The following SYT2 variants were observed in gnomAD, a reference collection of about 807,000 sequenced individuals.
SYT2 encodes synaptotagmin-2.
In SYT2, 15 loss-of-function variants were observed where a neutral mutation model predicts 39.9. The ratio of observed to expected loss-of-function variants is 0.38; its 90% CI spans 0.25 to 0.58. The LOEUF is 0.58. Among genes scored for constraint, SYT2 ranks in the 20% least tolerant of loss-of-function variants. SYT2 has a pLI of 0.70. For missense variants in SYT2, 389 were observed against 530.3 expected (o/e 0.73, Z 2.62); for synonymous variants, 181 against 204.5 (o/e 0.89, Z 0.98).
chr1:202,620,821 C>A (rs2149082901), intron 1 of SYT2, among the ~76,000 whole-genome samples: 1 of 152,266 alleles, frequency 6.6e-6, no homozygotes, highest in South Asian at 2.1e-4. Context: ...CTCACACTCA[C>A]ACTCTCAGTA....
At chr1:202,632,153 C>T in intron 1 of SYT2, 1 of 879,190 alleles carries the variant, frequency 1.1e-6, no homozygotes, top group Non-Finnish European at 1.4e-6. Flanking sequence ...AGTGTTGCCA[C>T]CACTAGATAA....
chr1:202,670,545 G>A (rs1289423402), intron 1 of SYT2, among the ~76,000 whole-genome samples: 1 of 152,172 alleles, frequency 6.6e-6, no homozygotes, highest in Non-Finnish European at 1.5e-5. Context: ...GGAGGGGGAA[G>A]AGGAGCACAA....
chr1:202,625,120 GTGTGTC>G (rs1691350567), intron 1 of SYT2, among the ~76,000 whole-genome samples: 1 of 828 alleles, frequency 1.2e-3, no homozygotes, highest in African/African-American at 2.5e-3. Flanking sequence ...TGTGTGGTAT[GTGTGTC>G]GTGTGTGTGG....
At chr1:202,701,585 G>A (rs1011186208) in intron 1 of SYT2, among the ~76,000 whole-genome samples, 3 of 152,220 alleles carry the variant, frequency 2.0e-5, no homozygotes, top group Non-Finnish European at 4.4e-5. Flanking sequence ...CTTAGCGGGT[G>A]TGTAGTGTGG....
At position 202,601,385 on chromosome 1, in the gene SYT2, A is replaced by T. The variant is rs1690498950; in HGVS notation, c.801+505T>A. On this transcript the variant is annotated intron_variant, in intron 6 of 8. Coordinates refer to ENST00000367268, the MANE Select transcript of SYT2 (RefSeq NM_177402.5). This position sits in a 1 kb window ranked among gnomAD's most constrained non-coding sequence, Gnocchi z 4.0. Reference sequence around the variant, plus strand: ...GGGCCCTGGCCAAGACAAATGATTGATGCCCAGAAGGAAGAATGGCTAAAA... The same window carrying T: ...GGGCCCTGGCCAAGACAAATGATTGTTGCCCAGAAGGAAGAATGGCTAAAA... 6.6e-6 allele frequency among the ~76,000 whole-genome samples: 1 copy of T among 152,234 alleles called. No homozygotes were observed.
At chr1:202,696,090 A>G (rs1558464956) in intron 1 of SYT2, among the ~76,000 whole-genome samples, 1 of 152,190 alleles carries the variant, frequency 6.6e-6, no homozygotes, top group African/African-American at 2.4e-5. Context: ...GACTTCAGGG[A>G]TTTTTCTAGT....
intron 1 of SYT2, among the ~76,000 whole-genome samples, chr1:202,638,880 C>G (rs550622714): frequency 1.3e-5 from 2 of 152,310 alleles, no homozygotes; most frequent in African/African-American, 4.8e-5. Context: ...GCTATTGTCT[C>G]CCTCCTCTCT....
chr1:202,701,582 G>T (rs577332010), intron 1 of SYT2, among the ~76,000 whole-genome samples: 33 of 152,306 alleles, frequency 2.2e-4, no homozygotes, highest in African/African-American at 6.5e-4. Flanking sequence ...TTGCTTAGCG[G>T]GTGTGTAGTG....
At chr1:202,687,467 C>T (rs1352336005) in intron 1 of SYT2, among the ~76,000 whole-genome samples, 1 of 152,158 alleles carries the variant, frequency 6.6e-6, no homozygotes, top group Non-Finnish European at 1.5e-5. Context: ...CCCCGCAGAA[C>T]CTAGCTCTGG....
intron 1 of SYT2, among the ~76,000 whole-genome samples, chr1:202,704,618 C>A (rs1454271135): frequency 6.7e-6 from 1 of 149,250 alleles, no homozygotes; most frequent in African/African-American, 2.4e-5. Flanking sequence ...TTCTCCCTGC[C>A]TTTGCAAGGG....
At chr1:202,608,566 G>A (rs948439343) in intron 1 of SYT2, among the ~76,000 whole-genome samples, 12 of 152,004 alleles carry the variant, frequency 7.9e-5, no homozygotes, top group Non-Finnish European at 1.6e-4. Context: ...ATGAGCCACC[G>A]CACCTTGCCT....
At chr1:202,626,398 CTTT>C (rs58802666) in intron 1 of SYT2, among the ~76,000 whole-genome samples, 1 of 72,426 alleles carries the variant, frequency 1.4e-5, no homozygotes, top group African/African-American at 4.8e-5. Flanking sequence ...AGCCTCTCAG[CTTT>C]TTTTTTTTTT....
chr1:202,690,917 T>C (rs1653801334), intron 1 of SYT2, among the ~76,000 whole-genome samples: 2 of 152,252 alleles, frequency 1.3e-5, no homozygotes, highest in African/African-American at 2.4e-5. Flanking sequence ...CTGGAACTGC[T>C]CCCGTATCTG....
intron 1 of SYT2, among the ~76,000 whole-genome samples, chr1:202,645,969 G>A (rs907558507): frequency 3.1e-4 from 47 of 152,216 alleles, no homozygotes; most frequent in African/African-American, 1.1e-3. Flanking sequence ...CCAGGAGGCA[G>A]CAGGGCGAGG....
intron 1 of SYT2, among the ~76,000 whole-genome samples, chr1:202,647,488 A>G (rs11589785): frequency 0.7 from 106,684 of 151,454 alleles, 38,737 homozygotes; most frequent in Non-Finnish European, 0.8. Context: ...GAGCACCCCC[A>G]ACAGCTGAAC....
chr1:202,617,682 C>T (rs1691084663), intron 1 of SYT2, among the ~76,000 whole-genome samples: 1 of 152,152 alleles, frequency 6.6e-6, no homozygotes, highest in Non-Finnish European at 1.5e-5. Flanking sequence ...TCCTCCCCTA[C>T]CCCCGCATCA....
intron 1 of SYT2, among the ~76,000 whole-genome samples, chr1:202,688,647 A>G (rs1653735074): frequency 1.3e-5 from 2 of 152,240 alleles, no homozygotes; most frequent in South Asian, 2.1e-4. Flanking sequence ...GACCTTGAAG[A>G]GAGAGATCTG....
At chr1:202,624,661 TAGTG>T (rs754980072) in intron 1 of SYT2, among the ~76,000 whole-genome samples, 1 of 96,800 alleles carries the variant, frequency 1.0e-5, no homozygotes, top group African/African-American at 4.0e-5. Context: ...TGGTGTGTAG[TAGTG>T]TGTGTGTGGT....
intron 1 of SYT2, among the ~76,000 whole-genome samples, chr1:202,653,386 T>C (rs1040069261): frequency 5.3e-5 from 8 of 152,214 alleles, no homozygotes; most frequent in Non-Finnish European, 1.0e-4. Flanking sequence ...CAGCTCAGCA[T>C]GTCACTACGC....
Sources: allele counts gnomAD v4.1 joint callset (sites outside exome capture counted in the v4.1 genomes callset), GRCh38; gene constraint gnomAD v4.1.1; non-coding constraint Gnocchi (gnomAD v3.1); transcripts MANE v1.5; gene names NCBI Gene and HGNC (gene_info 2026-07-23, HGNC 2026-07-21).